Variants in CRACD observed in about 807,000 individuals in gnomAD.
The protein encoded by CRACD is capping protein-inhibiting regulator of actin dynamics.
A neutral mutation model predicts 106.8 loss-of-function variants in CRACD; 56 were observed. That is an observed-to-expected ratio of 0.52 (90% CI 0.42 to 0.66). The LOEUF (loss-of-function observed/expected upper bound fraction) is 0.66, where lower values mean the gene tolerates loss of function less well. CRACD is among the 30% of genes least tolerant of loss of function. The pLI is 0.00. For missense variants in CRACD, 1,730 were observed against 1,623.2 expected (o/e 1.07, Z -1.13); for synonymous variants, 754 against 670.8 (o/e 1.12, Z -1.92).
rs1247870903 is a variant in CRACD at position 56,314,361 on chromosome 4, C to T, written c.859C>T (p.Pro287Ser). The change falls in exon 8 of 11, where the codon CCG becomes TCG. Residue 287 changes from proline to serine, a missense_variant. Transcript: ENST00000682029. This position sits in a 1 kb window ranked among gnomAD's most constrained non-coding sequence, Gnocchi z 4.4. ...GCCGCCTCTAGAGGCGGAAAGGGCG[C>T]CGCGGGAAGAGCAGCAGCGGAGCCT... ...QEPPLEAERA[P>S]REEQQRSLEA... 1 of 1,547,672 alleles carries T rather than the reference C, an allele frequency of 6.5e-7. No homozygotes were observed. The highest frequency in any genetic ancestry group is 2.0e-5 in the Admixed American group (1 of 50,512).
chr4:56,323,658 C>A, intron 9 of CRACD, 91 bp downstream of exon 9: 2 of 1,275,362 alleles, frequency 1.6e-6, no homozygotes, highest in Non-Finnish European at 2.1e-6. Flanking sequence ...GCTAGCTGGG[C>A]TGGTGGAAAG....
intron 2 of CRACD, among the ~76,000 whole-genome samples, 171 bp from the exon 3 acceptor site, chr4:56,272,150 G>A (rs578135761): frequency 1.2e-4 from 18 of 152,322 alleles, no homozygotes; most frequent in African/African-American, 2.9e-4. Context: ...CATGGATCGC[G>A]CTGGGGCTGG....
intron 1 of CRACD, among the ~76,000 whole-genome samples, chr4:56,098,847 G>T (rs1733682551): frequency 6.6e-6 from 1 of 152,074 alleles, no homozygotes; most frequent in African/African-American, 2.4e-5. Context: ...GCTAATTTTT[G>T]TATTTTTAGT....
At chr4:56,105,642 GTTA>G (rs1553902376) in intron 1 of CRACD, among the ~76,000 whole-genome samples, 1 of 152,104 alleles carries the variant, frequency 6.6e-6, no homozygotes, top group East Asian at 1.9e-4. Flanking sequence ...TATTTATGTT[GTTA>G]TTATTATTAT....
chr4:56,271,060 G>A (rs538566562), intron 2 of CRACD, among the ~76,000 whole-genome samples: 14 of 150,154 alleles, frequency 9.3e-5, no homozygotes, highest in Non-Finnish European at 1.5e-4. Flanking sequence ...AGCCAAGATC[G>A]TGCCATTGCA....
chr4:56,165,689 T>C (rs958236043), intron 1 of CRACD, among the ~76,000 whole-genome samples: 8 of 152,140 alleles, frequency 5.3e-5, no homozygotes, highest in African/African-American at 1.7e-4. Context: ...AGTTACCTCA[T>C]GAGAAAAAAG....
chr4:56,199,465 C>T (rs966705520), intron 2 of CRACD, among the ~76,000 whole-genome samples: 1 of 151,956 alleles, frequency 6.6e-6, no homozygotes, highest in South Asian at 2.1e-4. Context: ...GGGTGAATCA[C>T]GAGGTCAGGA....
intron 2 of CRACD, among the ~76,000 whole-genome samples, chr4:56,210,488 C>T (rs1001360372): frequency 6.6e-6 from 1 of 152,168 alleles, no homozygotes; most frequent in Non-Finnish European, 1.5e-5. Flanking sequence ...TCTTGATTAC[C>T]TCTTTTATGC....
At chr4:56,160,386 G>T (rs989934267) in intron 1 of CRACD, among the ~76,000 whole-genome samples, 1 of 151,938 alleles carries the variant, frequency 6.6e-6, no homozygotes, top group Non-Finnish European at 1.5e-5. Flanking sequence ...GTCTTGCCAT[G>T]TTGCCCAGGC....
chr4:56,120,486 A>G (rs1734447873), intron 1 of CRACD, among the ~76,000 whole-genome samples: 1 of 152,256 alleles, frequency 6.6e-6, no homozygotes, highest in Non-Finnish European at 1.5e-5. Context: ...ATTACCAAAT[A>G]GTTATCTATT....
intron 1 of CRACD, among the ~76,000 whole-genome samples, chr4:56,141,905 G>T (rs1465520095): frequency 6.6e-6 from 1 of 151,614 alleles, no homozygotes; most frequent in Non-Finnish European, 1.5e-5. Context: ...TGTTGCCCAG[G>T]CTGGTCTCCA....
rs2109810795 is a variant in CRACD, at chr4:56,328,617, T to G, written c.*813T>G. ...CCATCTAGGGCAGTAGTTCTTATGATGTGTAGGCTCCCTCCTAGGGCCTAC... is the reference window on the plus strand; with the variant it reads ...CCATCTAGGGCAGTAGTTCTTATGAGGTGTAGGCTCCCTCCTAGGGCCTAC... On this transcript the variant is annotated 3_prime_UTR_variant, in exon 11 of 11. Coordinates refer to ENST00000682029, the MANE Select transcript of CRACD (RefSeq NM_001393381.1). The G allele has an allele frequency of 3.1e-6, 1 of 327,156 alleles. No homozygotes were observed. Among genetic ancestry groups the G allele is most frequent in the Non-Finnish European group, 6.0e-6 (1 of 166,948 alleles). 20.3% of individuals were successfully genotyped at this position (327,156 alleles called of 1,614,324 possible).
chr4:56,138,440 G>A (rs992532245), intron 1 of CRACD, among the ~76,000 whole-genome samples: 39 of 152,144 alleles, frequency 2.6e-4, no homozygotes, highest in Non-Finnish European at 4.0e-4. Flanking sequence ...ACTCCAGCCT[G>A]GGTGATAGAG....
intron 1 of CRACD, among the ~76,000 whole-genome samples, chr4:56,089,076 A>G (rs1163689082): frequency 6.6e-6 from 1 of 152,222 alleles, no homozygotes; most frequent in African/African-American, 2.4e-5. Context: ...AGTTAGAGAT[A>G]TTTTACTTTG....
chr4:56,128,815 A>G (rs2068779546), intron 1 of CRACD, among the ~76,000 whole-genome samples: 1 of 152,142 alleles, frequency 6.6e-6, no homozygotes, highest in Admixed American at 6.5e-5. Context: ...ATCAAAGACC[A>G]TATTCTGTGA....
chr4:56,233,810 T>C (rs1327646666), intron 2 of CRACD, among the ~76,000 whole-genome samples: 1 of 152,188 alleles, frequency 6.6e-6, no homozygotes, highest in African/African-American at 2.4e-5. Context: ...CAATATTGAG[T>C]CTTCCAACCC....
intron 1 of CRACD, among the ~76,000 whole-genome samples, chr4:56,054,433 A>C (rs554086649): frequency 6.6e-6 from 1 of 152,242 alleles, no homozygotes; most frequent in South Asian, 2.1e-4. Flanking sequence ...GCCTTGCCTC[A>C]GCCTCCCAAA....
intron 2 of CRACD, among the ~76,000 whole-genome samples, chr4:56,224,489 A>G (rs62310578): frequency 0.035 from 5,274 of 152,268 alleles, 134 homozygotes; most frequent in Middle Eastern, 0.071. Context: ...TCATCATATC[A>G]TCTGTACATA....
chr4:56,146,689 A>G lies in CRACD; in HGVS notation c.-335-32595A>G, dbSNP rs949840598. On this transcript the variant is annotated intron_variant, in intron 1 of 10. Transcript: ENST00000682029. ...ATTTACATATATTTGACAATGATAT[A>G]TTTGTTCTTTTATAACAGCATTATT... Among the ~76,000 whole-genome samples, 7 of 151,676 alleles carry G rather than the reference A, an allele frequency of 4.6e-5. No homozygotes were observed. The East Asian group carries it at 1.4e-3, about 29-fold the overall frequency.
Sources: gnomAD v4.1 joint callset for allele counts (sites outside exome capture counted in the v4.1 genomes callset) on GRCh38, gnomAD v4.1.1 for gene constraint, Gnocchi (gnomAD v3.1) non-coding constraint, MANE v1.5 for transcripts, NCBI Gene and HGNC (gene_info 2026-07-23, HGNC 2026-07-21) for gene names.